Variants in CSTF3 observed in about 807,000 individuals in gnomAD.
CSTF3 encodes the protein cleavage stimulation factor subunit 3.
CSTF3 carries 29 observed loss-of-function variants against 105.8 expected under a neutral mutation model. That is an observed-to-expected ratio of 0.27 (90% CI 0.20 to 0.37). CSTF3 has a LOEUF of 0.37. Among genes scored for constraint, CSTF3 ranks in the 10% least tolerant of loss-of-function variants. The pLI is 1.00. For missense variants in CSTF3, 357 were observed against 879.3 expected (o/e 0.41, Z 7.51); for synonymous variants, 252 against 281.9 (o/e 0.89, Z 1.06).
chr11:33,151,147 G>C (rs1187915135), intron 1 of CSTF3, among the ~76,000 whole-genome samples: 1 of 152,110 alleles, frequency 6.6e-6, no homozygotes, highest in African/African-American at 2.4e-5. Context: ...CTAGGGATGT[G>C]CCCATATTTA....
chr11:33,141,620 T>G (rs1418624801), intron 3 of CSTF3, 47 bp downstream of exon 3: 2 of 1,566,288 alleles, frequency 1.3e-6, no homozygotes, highest in South Asian at 2.4e-5. Flanking sequence ...ATCACTACAG[T>G]GAATGCTGCA....
intron 3 of CSTF3, among the ~76,000 whole-genome samples, chr11:33,108,698 T>C (rs1855350563): frequency 6.6e-6 from 1 of 152,214 alleles, no homozygotes; most frequent in African/African-American, 2.4e-5. Context: ...TACAGAAATA[T>C]ACACATACCC....
chr11:33,085,070 C>T lies in CSTF3; in HGVS notation c.*17G>A, dbSNP rs3758741. 589,760 of 1,612,642 alleles carry T rather than the reference C, an allele frequency of 0.37. 113,029 individuals are homozygous for T. Among genetic ancestry groups the T allele is most frequent in the Middle Eastern group, 0.41 (2,470 of 6,058 alleles). On this transcript the variant is annotated 3_prime_UTR_variant, in exon 21 of 21. Transcript: ENST00000323959. ...AGGAATCCTGGACAGGAGTTTTCTGCAGAGGCGTTTAAAACCCTACCGAAT... is the reference window on the plus strand; with the variant it reads ...AGGAATCCTGGACAGGAGTTTTCTGTAGAGGCGTTTAAAACCCTACCGAAT...
At chr11:33,089,938 T>G (rs1305936128) in intron 17 of CSTF3, among the ~76,000 whole-genome samples, 1 of 152,232 alleles carries the variant, frequency 6.6e-6, no homozygotes, top group East Asian at 1.9e-4. Context: ...CCCTGTGGCC[T>G]GAACAGGTTC....
intron 3 of CSTF3, among the ~76,000 whole-genome samples, chr11:33,113,523 C>A (rs1190481676): frequency 6.6e-6 from 1 of 151,724 alleles, no homozygotes; most frequent in Non-Finnish European, 1.5e-5. Context: ...TCTAAACAAA[C>A]AAACAAACAA....
In CSTF3 at chr11:33,128,395, AT is replaced by A. The variant is rs563739342; in HGVS notation, c.225+13271del. 3.4e-3 allele frequency among the ~76,000 whole-genome samples: 503 copies of A among 148,588 alleles called. 1 individual carries two copies. Among genetic ancestry groups the A allele is most frequent in the African/African-American group, 0.012 (474 of 40,706 alleles). Reference sequence around the variant, plus strand: ...AAGAGAATTTATAAATCAACATGTAATTTTTTTTTTTGAGAATTGAACAGGA... The same window carrying A: ...AAGAGAATTTATAAATCAACATGTAATTTTTTTTTTGAGAATTGAACAGGA... On this transcript the variant is annotated intron_variant, in intron 3 of 20. Transcript: ENST00000323959.
At position 33,089,894 on chromosome 11, in the gene CSTF3, G is replaced by C. The variant is rs182188938; in HGVS notation, c.1641+638C>G. On this transcript the variant is annotated intron_variant, in intron 17 of 20. Coordinates refer to ENST00000323959, the MANE Select transcript of CSTF3 (RefSeq NM_001326.3). ...ATATAACAGTGGTTTTATCAGCAAG[G>C]GCTGTTACTGGGGCTTTGTAAATAT... 5.3e-5 allele frequency among the ~76,000 whole-genome samples: 8 copies of C among 152,284 alleles called. 1 individual carries two copies. The East Asian group carries it at 1.5e-3, about 29-fold the overall frequency.
intron 1 of CSTF3, among the ~76,000 whole-genome samples, chr11:33,156,447 T>C (rs1849867024): frequency 6.6e-6 from 1 of 152,232 alleles, no homozygotes; most frequent in Non-Finnish European, 1.5e-5. Flanking sequence ...TTCAACTTTT[T>C]CTTTCCTTAT....
intron 1 of CSTF3, among the ~76,000 whole-genome samples, chr11:33,149,337 G>A (rs1855827902): frequency 1.3e-5 from 2 of 152,300 alleles, no homozygotes; most frequent in Admixed American, 6.5e-5. Context: ...AATTAACAAT[G>A]GAAGTTAACC....
chr11:33,090,649 C>A lies in CSTF3; in HGVS notation c.1524G>T (p.Arg508=). The A allele has an allele frequency of 6.2e-7, 1 of 1,612,234 alleles. No individual in the cohort carries two copies. Residue 508 remains arginine, a synonymous_variant, in exon 17 of 21, where the codon CGG becomes CGT. Coordinates refer to ENST00000323959, the MANE Select transcript of CSTF3 (RefSeq NM_001326.3). The stretch of plus-strand genomic sequence containing the variant: ...CATACTCTTCTTTGAATGCTGTAAA[C>A]CGTCTTTTCTCCACTTTGAGTATAC... ...LASILKVEKR[R]FTAFKEEYEG...
chr11:33,096,136 G>A (rs964655611), intron 15 of CSTF3, among the ~76,000 whole-genome samples, 170 bp downstream of exon 15: 3 of 152,150 alleles, frequency 2.0e-5, no homozygotes, highest in Non-Finnish European at 4.4e-5. Context: ...ATCTACCATT[G>A]CTCAGTAAAT....
chr11:33,121,733 A>G (rs1242210561), intron 3 of CSTF3, among the ~76,000 whole-genome samples: 1 of 152,148 alleles, frequency 6.6e-6, no homozygotes, highest in East Asian at 1.9e-4. Flanking sequence ...GCTCTGGGTT[A>G]AGGTGGTGAT....
chr11:33,111,189 C>G (rs1855376152), intron 3 of CSTF3, among the ~76,000 whole-genome samples: 1 of 152,138 alleles, frequency 6.6e-6, no homozygotes, highest in South Asian at 2.1e-4. Flanking sequence ...GATATCACAC[C>G]ACTGCACTCC....
At chr11:33,087,955 C>G (rs7947938) in intron 17 of CSTF3, among the ~76,000 whole-genome samples, 2 of 152,038 alleles carry the variant, frequency 1.3e-5, no homozygotes, top group African/African-American at 4.8e-5. Context: ...AGGAGCTCCT[C>G]TGCTCCAGAC....
chr11:33,107,533 C>A (rs1855339059), intron 5 of CSTF3, among the ~76,000 whole-genome samples: 2 of 152,170 alleles, frequency 1.3e-5, no homozygotes, highest in African/African-American at 4.8e-5. Context: ...TATATCACTA[C>A]AAATGTCAGA....
At chr11:33,098,541 T>C (rs1235517509) in intron 13 of CSTF3, 149 bp downstream of exon 13, 1 of 540,178 alleles carries the variant, frequency 1.9e-6, no homozygotes, top group Non-Finnish European at 3.2e-6. Context: ...TCTATCTTAA[T>C]TGTGGTGGGG....
At chr11:33,115,198 A>G (rs1016868173) in intron 3 of CSTF3, among the ~76,000 whole-genome samples, 12 of 152,320 alleles carry the variant, frequency 7.9e-5, no homozygotes, top group Admixed American at 7.8e-4. Context: ...ACTGAATTTG[A>G]GATGCAGAGA....
intron 5 of CSTF3, among the ~76,000 whole-genome samples, chr11:33,106,759 AG>A (rs1855331255): frequency 6.6e-6 from 1 of 152,152 alleles, no homozygotes; most frequent in Non-Finnish European, 1.5e-5. Context: ...ATCAAAAATA[AG>A]GCTCATGTCT....
chr11:33,086,867 G>T, intron 18 of CSTF3, 121 bp downstream of exon 18: 1 of 1,103,322 alleles, frequency 9.1e-7, no homozygotes. Flanking sequence ...ACTTGTCATA[G>T]TGATCCTAAG....
Sources: allele counts gnomAD v4.1 joint callset (sites outside exome capture counted in the v4.1 genomes callset), GRCh38; gene constraint gnomAD v4.1.1; transcripts MANE v1.5; gene names NCBI Gene and HGNC (gene_info 2026-07-23, HGNC 2026-07-21).